TCERG1L: variants seen among roughly 807,000 people sequenced by gnomAD.
TCERG1L encodes transcription elongation regulator 1 like, also known as transcription elongation regulator 1-like protein.
In TCERG1L, 37 loss-of-function variants were observed where a neutral mutation model predicts 56.3. The observed-to-expected ratio is 0.66, with a 90% CI of 0.51 to 0.87. The LOEUF (loss-of-function observed/expected upper bound fraction) is 0.87. TCERG1L is among the 40% of genes least tolerant of loss of function. The pLI, the probability that TCERG1L is intolerant of heterozygous loss-of-function variation, is 0.00. For missense variants in TCERG1L, 799 were observed against 774.2 expected (o/e 1.03, Z -0.38); for synonymous variants, 324 against 326.3 (o/e 0.99, Z 0.08).
At position 131,163,163 on chromosome 10, in the gene TCERG1L, G is replaced by A. The variant is rs753001245; in HGVS notation, c.993C>T (p.Gly331=). 13 of 1,576,870 alleles carry A rather than the reference G, an allele frequency of 8.2e-6. No homozygotes were observed. The highest frequency in any genetic ancestry group is 1.1e-5 in the Non-Finnish European group (13 of 1,160,172). ...CCGGGGTGGAGGCCACTGGCCTGTT[G>A]CCTCTGGCTGTGCTGTCCTCTCCTC... is the stretch of plus-strand genomic sequence containing the variant. ...LGGGEDSTAR[G]NRPVASTPVP... The change falls in exon 6 of 12, where the codon GGC becomes GGT. Residue 331 remains glycine (G), a synonymous_variant. Coordinates refer to ENST00000368642, the MANE Select transcript of TCERG1L (RefSeq NM_174937.4).
At chr10:131,270,510 A>G (rs1000794563) in intron 3 of TCERG1L, among the ~76,000 whole-genome samples, 6 of 152,230 alleles carry the variant, frequency 3.9e-5, no homozygotes, top group Admixed American at 3.9e-4. Context: ...ATAAAAATCA[A>G]TATTTTAAGC....
At chr10:131,127,466 G>A (rs566645212) in intron 8 of TCERG1L, among the ~76,000 whole-genome samples, 1 of 152,320 alleles carries the variant, frequency 6.6e-6, no homozygotes, top group East Asian at 1.9e-4. Context: ...AGCCTTCTGG[G>A]GTCCAAACCT....
intron 4 of TCERG1L, among the ~76,000 whole-genome samples, chr10:131,233,391 G>T (rs535897483): frequency 6.6e-6 from 1 of 151,904 alleles, no homozygotes; most frequent in East Asian, 1.9e-4. Context: ...ACTAATCAGG[G>T]ATGGTGTTCT....
chr10:131,304,528 G>A (rs1038513348), intron 3 of TCERG1L, among the ~76,000 whole-genome samples: 9 of 151,954 alleles, frequency 5.9e-5, no homozygotes, highest in Non-Finnish European at 1.3e-4. Context: ...GCACTGCTGA[G>A]GAAGAGGTGG....
intron 3 of TCERG1L, among the ~76,000 whole-genome samples, chr10:131,280,722 C>G (rs1846442202): frequency 6.6e-6 from 1 of 152,074 alleles, no homozygotes; most frequent in African/African-American, 2.4e-5. Context: ...CACACACACA[C>G]AGACACCTGT....
At chr10:131,285,500 G>GA (rs1307643012) in intron 3 of TCERG1L, among the ~76,000 whole-genome samples, 1 of 24,872 alleles carries the variant, frequency 4.0e-5, no homozygotes, top group Non-Finnish European at 1.3e-4. Context: ...AAGAAAGAAA[G>GA]AAAGAAAGAA....
At chr10:131,273,172 A>G (rs57254349) in intron 3 of TCERG1L, among the ~76,000 whole-genome samples, 10,205 of 152,220 alleles carry the variant, frequency 0.067, 490 homozygotes, top group East Asian at 0.15. Context: ...TCCCTGCCCC[A>G]TGGCAATGGG....
At chr10:131,277,066 G>A (rs981970785) in intron 3 of TCERG1L, among the ~76,000 whole-genome samples, 7 of 152,186 alleles carry the variant, frequency 4.6e-5, no homozygotes, top group African/African-American at 2.4e-5. Context: ...TATCCTAAGC[G>A]AGACGAGAGT....
intron 11 of TCERG1L, 38 bp downstream of exon 11, chr10:131,098,268 A>G: frequency 6.5e-7 from 1 of 1,543,764 alleles, no homozygotes; most frequent in Non-Finnish European, 8.7e-7. Context: ...GTAAGTTCCC[A>G]GCCCCAGAAA....
chr10:131,280,066 C>T (rs552462462), intron 3 of TCERG1L, among the ~76,000 whole-genome samples: 58 of 152,340 alleles, frequency 3.8e-4, no homozygotes, highest in African/African-American at 1.4e-3. Context: ...GGCTGCGACA[C>T]AGCCTCAGGA....
chr10:131,144,046 TC>T (rs1303549002), intron 7 of TCERG1L, among the ~76,000 whole-genome samples: 1 of 151,478 alleles, frequency 6.6e-6, no homozygotes, highest in Non-Finnish European at 1.5e-5. Flanking sequence ...ACGTCTCCTA[TC>T]CCCACTGAAG....
Position 131,260,308 on chromosome 10 carries a change from G to A in TCERG1L, c.807C>T (p.Phe269=), listed in dbSNP as rs774999587. The part of the protein sequence containing the change: ...PSPSSVQPRH[F]LTLAPIKIPL... ...GTATTTTGATGGGTGCCAAGGTCAG[G>A]AAGTGGCGCGGCTGCACGCTGGAGG... The change falls in exon 4 of 12, where the codon TTC becomes TTT. Residue 269 remains phenylalanine (F), a synonymous_variant. Coordinates refer to ENST00000368642, the MANE Select transcript of TCERG1L (RefSeq NM_174937.4). This position sits in a 1 kb window ranked among gnomAD's most constrained non-coding sequence, Gnocchi z 5.8. 3.9e-5 allele frequency: 56 copies of A among 1,445,962 alleles called. No homozygotes were observed. The highest frequency in any genetic ancestry group is 6.0e-5 in the African/African-American group (4 of 67,214). The allele number at this position is 1,445,962 out of a possible 1,614,324, so 89.6% of individuals were successfully genotyped here.
At chr10:131,306,583 T>A (rs1240166721) in intron 3 of TCERG1L, among the ~76,000 whole-genome samples, 1 of 152,142 alleles carries the variant, frequency 6.6e-6, no homozygotes, top group African/African-American at 2.4e-5. Flanking sequence ...ATGATGTGCT[T>A]ATTTCACATT....
intron 4 of TCERG1L, among the ~76,000 whole-genome samples, chr10:131,170,444 A>G (rs1846077659): frequency 6.6e-6 from 1 of 151,994 alleles, no homozygotes; most frequent in African/African-American, 2.4e-5. Flanking sequence ...CCGCCCTCCG[A>G]GAGAGGCACG....
chr10:131,266,640 G>A (rs1362381248), intron 3 of TCERG1L, among the ~76,000 whole-genome samples: 1 of 152,188 alleles, frequency 6.6e-6, no homozygotes, highest in East Asian at 1.9e-4. Context: ...CAGCAGAGAG[G>A]AGGCCCTGGA....
chr10:131,253,836 C>G (rs553733307), intron 4 of TCERG1L, among the ~76,000 whole-genome samples: 3 of 152,212 alleles, frequency 2.0e-5, no homozygotes, highest in African/African-American at 4.8e-5. Context: ...GTTCCTGGCA[C>G]CAGGGCCTCA....
At chr10:131,136,641 A>G (rs1460367182) in intron 7 of TCERG1L, among the ~76,000 whole-genome samples, 1 of 151,912 alleles carries the variant, frequency 6.6e-6, no homozygotes, top group Non-Finnish European at 1.5e-5. Context: ...AATCACAGGC[A>G]CCCGCCACCA....
At chr10:131,162,179 A>G (rs1845985143) in intron 6 of TCERG1L, 1 of 152,266 alleles carries the variant, frequency 6.6e-6, no homozygotes, top group Admixed American at 6.5e-5. Flanking sequence ...ATCGAGCTAA[A>G]TTGTAAGGGT....
Position 131,230,533 on chromosome 10 carries a change from ATCT to A in TCERG1L, c.856+29723_856+29725del, listed in dbSNP as rs151005114. 1.1e-3 allele frequency among the ~76,000 whole-genome samples: 169 copies of A among 152,320 alleles called. 1 individual carries two copies. Among genetic ancestry groups the A allele is most frequent in the African/African-American group, 3.6e-3 (150 of 41,582 alleles). ...GAACCATTGTGCCAAAGACAGAGACATCTTCTTCCCACTGACGAGCCTGGCGGG... is the reference window on the plus strand; with the variant it reads ...GAACCATTGTGCCAAAGACAGAGACATCTTCCCACTGACGAGCCTGGCGGG... On this transcript the variant is annotated intron_variant, in intron 4 of 11. Transcript: ENST00000368642.
Sources: gnomAD v4.1 joint callset for allele counts (sites outside exome capture counted in the v4.1 genomes callset) on GRCh38, gnomAD v4.1.1 for gene constraint, Gnocchi (gnomAD v3.1) non-coding constraint, MANE v1.5 for transcripts, NCBI Gene and HGNC (gene_info 2026-07-23, HGNC 2026-07-21) for gene names.